Variants in TCOF1 observed in about 807,000 individuals in gnomAD.
The protein encoded by TCOF1 is treacle protein.
In TCOF1, 33 loss-of-function variants were observed where a neutral mutation model predicts 149.0. That is an observed-to-expected ratio of 0.22 (90% confidence interval 0.17 to 0.30). The LOEUF (loss-of-function observed/expected upper bound fraction) is 0.30. Ranked by LOEUF, TCOF1 falls within the 10% of genes least tolerant of loss-of-function variation. TCOF1 has a pLI of 1.00. For synonymous variants in TCOF1, 789 were observed against 738.8 expected (o/e 1.07, Z -1.10); for missense variants, 1,728 against 1,840.7 (o/e 0.94, Z 1.12).
rs1762063403 is a variant in TCOF1 at position 150,369,477 on chromosome 5, C to T, written c.566-52C>T. The T allele has an allele frequency of 3.1e-6, 5 of 1,601,750 alleles. No homozygotes were observed. In the Admixed American group the frequency reaches 5.0e-5, roughly 16 times the overall value. On this transcript the variant is annotated intron_variant, in intron 5 of 26. Transcript: ENST00000643257. ...TTTGTGGGGAGGTGCTGGGGAGGGGCAGGTGAGGCTGGAAAGGGAGTCCCT... is the reference window on the plus strand; with the variant it reads ...TTTGTGGGGAGGTGCTGGGGAGGGGTAGGTGAGGCTGGAAAGGGAGTCCCT...
At position 150,369,425 on chromosome 5, in the gene TCOF1, C is replaced by T. The variant is rs532175251; in HGVS notation, c.566-104C>T. 61 of 1,375,770 alleles carry T rather than the reference C, an allele frequency of 4.4e-5. No individual in the cohort carries two copies. The South Asian group carries it at 6.1e-4, about 14-fold the overall frequency. The allele number at this position is 1,375,770 out of a possible 1,614,324, so 85.2% of individuals were successfully genotyped here. A position where few individuals can be genotyped will look rare whatever the true frequency, so the allele number is the denominator to read the frequency against. On this transcript the variant is annotated intron_variant, in intron 5 of 26. Transcript: ENST00000643257. ...GTGAGGCACACGAGGGGTGAGCGCT[C>T]AGCACCTGGCTTTGATGAGCAGCTG...
At chr5:150,362,815 C>CA (rs1422105190) in intron 2 of TCOF1, among the ~76,000 whole-genome samples, 1 of 152,052 alleles carries the variant, frequency 6.6e-6, no homozygotes, top group Non-Finnish European at 1.5e-5. Context: ...TTCCTTCCCC[C>CA]AAAAAACTGC....
chr5:150,398,977 G>A (rs1473740357), intron 25 of TCOF1, 45 bp from the exon 26 acceptor site: 1 of 1,614,180 alleles, frequency 6.2e-7, no homozygotes, highest in Non-Finnish European at 8.5e-7. Context: ...AGTGGGTGGG[G>A]AAAAGCTGCA....
At chr5:150,381,693 G>A (rs1765223281) in intron 17 of TCOF1, among the ~76,000 whole-genome samples, 1 of 152,196 alleles carries the variant, frequency 6.6e-6, no homozygotes, top group African/African-American at 2.4e-5. Context: ...TTTTCAATGA[G>A]TTCTTAGTCA....
At chr5:150,369,463 G>A (rs1762059119) in intron 5 of TCOF1, 66 bp from the exon 6 acceptor site, 3 of 1,587,352 alleles carry the variant, frequency 1.9e-6, no homozygotes, top group Non-Finnish European at 2.6e-6. Context: ...TTGTGGGGAG[G>A]TGCTGGGGAG....
intron 24 of TCOF1, 75 bp from the exon 25 acceptor site, chr5:150,398,279 G>A: frequency 2.5e-6 from 4 of 1,604,950 alleles, no homozygotes; most frequent in South Asian, 1.1e-5. Context: ...GCCCTGCCCT[G>A]TGCACCTCCC....
At chr5:150,391,247 G>T (rs1402841349) in intron 19 of TCOF1, among the ~76,000 whole-genome samples, 3 of 152,248 alleles carry the variant, frequency 2.0e-5, no homozygotes, top group African/African-American at 7.2e-5. Context: ...CTGACTGCTA[G>T]TGGTTATAAG....
rs750642253 is a variant in TCOF1, at chr5:150,396,617, G to A, written c.4120G>A (p.Gly1374Arg). 7 of 1,593,542 alleles carry A rather than the reference G, an allele frequency of 4.4e-6. No individual in the cohort carries two copies. The South Asian group carries it at 7.9e-5, about 18-fold the overall frequency. The change falls in exon 24 of 27, where the codon GGG becomes AGG. Residue 1374 changes from glycine (G) to arginine (R), a missense_variant. Physicochemically the swap from Gly to Arg is moderately radical, Grantham distance 125 (BLOSUM62 -2). Coordinates refer to ENST00000643257, the MANE Select transcript of TCOF1 (RefSeq NM_001371623.1). ...GAAGAAGCTGGGGGCCGGGGAAGGT[G>A]GGGAGGCCTCTGTTTCCCCAGAAAA... is the stretch of plus-strand genomic sequence containing the variant. Reference protein sequence around the residue: ...KKKKLGAGEGGEASVSPEKTS... With the variant: ...KKKKLGAGEGREASVSPEKTS...
intron 26 of TCOF1, 29 bp downstream of exon 26, chr5:150,399,099 C>T (rs755135732): frequency 3.1e-6 from 5 of 1,613,980 alleles, no homozygotes; most frequent in Non-Finnish European, 4.2e-6. Context: ...CCTGAGCATT[C>T]AGGGTGGGAG....
intron 4 of TCOF1, 149 bp from the exon 5 acceptor site, chr5:150,368,567 C>G (rs1351289136): frequency 2.3e-6 from 2 of 858,934 alleles, no homozygotes; most frequent in East Asian, 2.6e-5. Flanking sequence ...TTTTTAACCT[C>G]ACTTTAAAGA....
chr5:150,384,880 A>G, intron 17 of TCOF1: 1 of 985,402 alleles, frequency 1.0e-6, no homozygotes, highest in Non-Finnish European at 1.2e-6. Flanking sequence ...GTCTGATTTT[A>G]TTAGCCCATC....
intron 17 of TCOF1, chr5:150,383,639 T>C (rs1307212140): frequency 8.0e-7 from 1 of 1,252,732 alleles, no homozygotes; most frequent in African/African-American, 1.5e-5. Context: ...AGCCTTAGAG[T>C]TGAAGCAGTT....
At position 150,396,187 on chromosome 5, in the gene TCOF1, A is replaced by G. The variant is rs979454264; in HGVS notation, c.3785-95A>G. The G allele has an allele frequency of 3.6e-6, 5 of 1,393,128 alleles. No individual in the cohort carries two copies. The Admixed American group carries it at 5.0e-5, about 14-fold the overall frequency. The allele number at this position is 1,393,128 out of a possible 1,614,324, so 86.3% of individuals were successfully genotyped here. A position where few individuals can be genotyped will look rare whatever the true frequency, so the allele number is the denominator to read the frequency against. Reference sequence around the variant, plus strand: ...CCCATCTGTGCCATTGTAAGAAAAGATGGAGTCACTCCCTGCACCCTCTTC... The same window carrying G: ...CCCATCTGTGCCATTGTAAGAAAAGGTGGAGTCACTCCCTGCACCCTCTTC... On this transcript the variant is annotated intron_variant, in intron 23 of 26. Transcript: ENST00000643257.
intron 17 of TCOF1, chr5:150,381,002 A>C (rs1765038339): frequency 6.6e-6 from 1 of 152,288 alleles, no homozygotes; most frequent in Middle Eastern, 3.4e-3. Flanking sequence ...CAACAGAGTG[A>C]GACTCTGTCA....
chr5:150,390,337 A>G (rs1767153094), intron 19 of TCOF1, among the ~76,000 whole-genome samples: 2 of 152,186 alleles, frequency 1.3e-5, no homozygotes, highest in South Asian at 4.1e-4. Context: ...GCCATGAACA[A>G]AAGTTGCCCT....
chr5:150,382,821 G>A (rs961032489), intron 17 of TCOF1, among the ~76,000 whole-genome samples: 12 of 152,210 alleles, frequency 7.9e-5, no homozygotes, highest in Admixed American at 4.6e-4. Flanking sequence ...TAGCTGCATC[G>A]GAGTCATAAA....
rs1765678016 is a variant in TCOF1 at position 150,383,606 on chromosome 5, C to A, written c.2859+3874C>A. 4.1e-6 allele frequency: 4 copies of A among 968,574 alleles called. No homozygotes were observed. In the Admixed American group the frequency reaches 8.2e-5, roughly 20 times the overall value. The allele number at this position is 968,574 out of a possible 1,614,324, so 60.0% of individuals were successfully genotyped here. A position where few individuals can be genotyped will look rare whatever the true frequency, so the allele number is the denominator to read the frequency against. On this transcript the variant is annotated intron_variant, in intron 17 of 26. Coordinates refer to ENST00000643257, the MANE Select transcript of TCOF1 (RefSeq NM_001371623.1). Reference sequence around the variant, plus strand: ...CTGTGAGAAGGGCAGGGAGTGTTGCCCCATTTGACAGATTGGGAATCAAGC... The same window carrying A: ...CTGTGAGAAGGGCAGGGAGTGTTGCACCATTTGACAGATTGGGAATCAAGC...
intron 5 of TCOF1, 149 bp downstream of exon 5, chr5:150,369,051 C>T (rs748234526): frequency 3.8e-5 from 41 of 1,070,830 alleles, no homozygotes; most frequent in Non-Finnish European, 5.1e-5. Context: ...CTTTTCTCAT[C>T]ACCTAGACGA....
chr5:150,375,168 G>A lies in TCOF1; in HGVS notation c.1488+5G>A, dbSNP rs1554136339. Reference sequence around the variant, plus strand: ...GCAGCCATGAATGCAGCTCAGGTGAGGCTGGAAGCCGCCCTGCATGGCCTG... The same window carrying A: ...GCAGCCATGAATGCAGCTCAGGTGAAGCTGGAAGCCGCCCTGCATGGCCTG... On this transcript the variant is annotated splice_donor_5th_base_variant and intron_variant, in intron 10 of 26. Coordinates refer to ENST00000643257, the MANE Select transcript of TCOF1 (RefSeq NM_001371623.1). 1 of 1,613,398 alleles carries A rather than the reference G, an allele frequency of 6.2e-7. No homozygotes were observed. The highest frequency in any genetic ancestry group is 1.1e-5 in the South Asian group (1 of 91,058).
Sources: allele counts gnomAD v4.1 joint callset (sites outside exome capture counted in the v4.1 genomes callset), GRCh38; gene constraint gnomAD v4.1.1; transcripts MANE v1.5; gene names NCBI Gene and HGNC (gene_info 2026-07-23, HGNC 2026-07-21).